The following WWOX variants were observed in gnomAD, a reference collection of about 807,000 sequenced individuals.
WWOX encodes WW domain-containing oxidoreductase.
In WWOX, 69 loss-of-function variants were observed where a neutral mutation model predicts 46.2. The observed-to-expected ratio is 1.49, with a 90% CI of 1.23 to 1.82. The LOEUF is 1.82. Among genes scored for constraint, WWOX ranks in the 40% most tolerant of loss-of-function variants. The pLI is 0.00. For missense variants in WWOX, 919 were observed against 542.6 expected (o/e 1.69, Z -6.89); for synonymous variants, 359 against 202.6 (o/e 1.77, Z -6.56).
At chr16:78,283,830 G>A (rs1287762143) in intron 5 of WWOX, among the ~76,000 whole-genome samples, 1 of 152,148 alleles carries the variant, frequency 6.6e-6, no homozygotes, top group Non-Finnish European at 1.5e-5. Flanking sequence ...TGTTCTCTAA[G>A]CTTCACTTTA....
chr16:78,292,063 C>CTTTTTTTT (rs5818123), intron 5 of WWOX, among the ~76,000 whole-genome samples: 2 of 136,956 alleles, frequency 1.5e-5, no homozygotes, highest in Non-Finnish European at 1.6e-5. Flanking sequence ...TGATTTTTAC[C>CTTTTTTTT]TTTTTTTTTT....
chr16:78,840,572 T>G (rs1302618184), intron 8 of WWOX, among the ~76,000 whole-genome samples: 2 of 152,178 alleles, frequency 1.3e-5, no homozygotes, highest in Non-Finnish European at 2.9e-5. Context: ...TTACACAGTT[T>G]GTAAGTCTTA....
intron 8 of WWOX, among the ~76,000 whole-genome samples, chr16:78,623,023 C>T (rs930633389): frequency 5.3e-5 from 8 of 151,974 alleles, no homozygotes; most frequent in Admixed American, 3.3e-4. Flanking sequence ...GTCCTATAAC[C>T]ACAAGGAAAT....
intron 8 of WWOX, among the ~76,000 whole-genome samples, chr16:78,655,405 A>C (rs2047058330): frequency 6.6e-6 from 1 of 152,242 alleles, no homozygotes; most frequent in African/African-American, 2.4e-5. Context: ...TAAATTAAAC[A>C]AGTAATTAGA....
chr16:79,086,213 C>A (rs867054416), intron 8 of WWOX, among the ~76,000 whole-genome samples: 1 of 152,220 alleles, frequency 6.6e-6, no homozygotes, highest in Non-Finnish European at 1.5e-5. Flanking sequence ...ATATTACATG[C>A]TCAATAAATG....
intron 8 of WWOX, among the ~76,000 whole-genome samples, chr16:79,131,690 C>T (rs1300109732): frequency 6.6e-6 from 1 of 151,826 alleles, no homozygotes; most frequent in African/African-American, 2.4e-5. Context: ...GGTGTCTTAA[C>T]TTTTCAAAAA....
At chr16:78,724,144 C>T (rs1263040171) in intron 8 of WWOX, among the ~76,000 whole-genome samples, 1 of 152,162 alleles carries the variant, frequency 6.6e-6, no homozygotes, top group Non-Finnish European at 1.5e-5. Context: ...ACTATTTAGC[C>T]AGTCTTTGCC....
At chr16:78,753,416 G>C (rs1020715932) in intron 8 of WWOX, among the ~76,000 whole-genome samples, 1 of 152,120 alleles carries the variant, frequency 6.6e-6, no homozygotes, top group Non-Finnish European at 1.5e-5. Flanking sequence ...GGGGTTGGGA[G>C]GACCAGTCAC....
chr16:78,837,107 A>G (rs1016896038), intron 8 of WWOX, among the ~76,000 whole-genome samples: 3 of 152,062 alleles, frequency 2.0e-5, no homozygotes, highest in African/African-American at 7.2e-5. Flanking sequence ...GAGGGGGGAG[A>G]AGAAGAAGGA....
Position 78,406,065 on chromosome 16 carries a change from A to G in WWOX, c.606-18805A>G, listed in dbSNP as rs1053613502. On this transcript the variant is annotated intron_variant, in intron 6 of 8. Coordinates refer to ENST00000566780, the MANE Select transcript of WWOX (RefSeq NM_016373.4). ...ATTTTCTGAGGGTGTCTCACGTGAAAGTAAATCGCTCATGTTTGTTCTTTT... is the reference window on the plus strand; with the variant it reads ...ATTTTCTGAGGGTGTCTCACGTGAAGGTAAATCGCTCATGTTTGTTCTTTT... 1.8e-4 allele frequency among the ~76,000 whole-genome samples: 27 copies of G among 152,098 alleles called. 1 individual carries two copies. The highest frequency in any genetic ancestry group is 3.4e-3 in the Middle Eastern group (1 of 294).
intron 8 of WWOX, among the ~76,000 whole-genome samples, chr16:78,575,535 G>C (rs1485421611): frequency 6.6e-6 from 1 of 152,020 alleles, no homozygotes; most frequent in African/African-American, 2.4e-5. Flanking sequence ...CTAAGATCTT[G>C]TGACTTCAGC....
intron 3 of WWOX, among the ~76,000 whole-genome samples, chr16:78,112,436 CA>C (rs1279289233): frequency 2.6e-5 from 4 of 152,198 alleles, no homozygotes; most frequent in African/African-American, 7.2e-5. Context: ...GTTTTTTGAG[CA>C]AACCTGGTGA....
chr16:79,121,021 G>A (rs2049619986), intron 8 of WWOX, among the ~76,000 whole-genome samples: 1 of 152,090 alleles, frequency 6.6e-6, no homozygotes, highest in Non-Finnish European at 1.5e-5. Flanking sequence ...CACCTGCCTT[G>A]GCCTCCCAAA....
At chr16:79,082,133 C>T (rs987688561) in intron 8 of WWOX, among the ~76,000 whole-genome samples, 3 of 152,206 alleles carry the variant, frequency 2.0e-5, no homozygotes, top group Admixed American at 2.0e-4. Flanking sequence ...CACTCAGCAC[C>T]AGCTAGTGGG....
intron 8 of WWOX, among the ~76,000 whole-genome samples, chr16:78,621,592 C>CTTTTTT (rs34182797): frequency 0.011 from 362 of 31,536 alleles, 117 homozygotes; most frequent in Non-Finnish European, 0.015. Flanking sequence ...TTGTTCTAAT[C>CTTTTTT]TTTTTTTTTT....
intron 8 of WWOX, among the ~76,000 whole-genome samples, chr16:79,161,434 TAAAG>T (rs2050484645): frequency 6.6e-6 from 1 of 152,012 alleles, no homozygotes. Context: ...GAATACTGAC[TAAAG>T]AGAGAGGAGG....
At position 79,212,189 on chromosome 16, in the gene WWOX, G is replaced by GC. The variant is rs1003570593; in HGVS notation, c.*395dup. 26 of 1,466,702 alleles carry GC rather than the reference G, an allele frequency of 1.8e-5. No homozygotes were observed. The highest frequency in any genetic ancestry group is 2.2e-5 in the Non-Finnish European group (25 of 1,116,894). The allele number at this position is 1,466,702 out of a possible 1,614,324, so 90.9% of individuals were successfully genotyped here. A position where few individuals can be genotyped will look rare whatever the true frequency, so the allele number is the denominator to read the frequency against. On this transcript the variant is annotated 3_prime_UTR_variant, in exon 9 of 9. Coordinates refer to ENST00000566780, the MANE Select transcript of WWOX (RefSeq NM_016373.4). ...CGGCCACCACTGCAGCCGGGGGCTG[G>GC]CCTTCTCCTACTTAGGGAAGAAAAA...
At chr16:78,225,301 G>C (rs1456836785) in intron 5 of WWOX, among the ~76,000 whole-genome samples, 1 of 152,156 alleles carries the variant, frequency 6.6e-6, no homozygotes, top group Admixed American at 6.5e-5. Context: ...TGAAAATATG[G>C]TATTATAATC....
At chr16:78,622,181 C>A (rs899408729) in intron 8 of WWOX, among the ~76,000 whole-genome samples, 1 of 152,204 alleles carries the variant, frequency 6.6e-6, no homozygotes, top group South Asian at 2.1e-4. Flanking sequence ...TTTTTCTCTC[C>A]ATTCTTCTCT....
Sources: allele counts gnomAD v4.1 joint callset (sites outside exome capture counted in the v4.1 genomes callset), GRCh38; gene constraint gnomAD v4.1.1; transcripts MANE v1.5; gene names NCBI Gene and HGNC (gene_info 2026-07-23, HGNC 2026-07-21).